MID1: variants seen among roughly 807,000 people sequenced by gnomAD.
MID1 encodes the protein E3 ubiquitin-protein ligase Midline-1.
In MID1, 7 loss-of-function variants were observed where a neutral mutation model predicts 40.4. That is an observed-to-expected ratio of 0.17 (90% CI 0.10 to 0.33). The LOEUF (loss-of-function observed/expected upper bound fraction) is 0.33. Among genes scored for constraint, MID1 ranks in the 10% least tolerant of loss-of-function variants. The pLI is 1.00. For synonymous variants in MID1, 229 were observed against 221.2 expected, an observed-to-expected ratio of 1.04 and a Z score of -0.31; for missense variants, 367 against 558.5, an observed-to-expected ratio of 0.66 and a Z score of 3.46.
At position 10,647,160 on chromosome X, in the gene MID1, C is replaced by T. The variant is rs939483130; in HGVS notation, c.-186-26741G>A. Among the ~76,000 whole-genome samples the T allele has an allele frequency of 2.7e-5, 3 of 111,555 alleles. No individual in the cohort carries two copies. In the South Asian group the frequency reaches 1.2e-3, roughly 43 times the overall value. On this transcript the variant is annotated intron_variant, in intron 1 of 10. Transcript: ENST00000380785. ...ACAACCATCCAGGAGGTAGGTGTAA[C>T]AGGAACCTTTACTCTTTGATAGAGA...
intron 1 of MID1, among the ~76,000 whole-genome samples, chrX:10,718,479 C>A (rs918472299): frequency 8.9e-6 from 1 of 111,894 alleles, no homozygotes; most frequent in African/African-American, 3.2e-5. Flanking sequence ...CACATACACT[C>A]TCCCAAGACT....
chrX:10,778,481 T>A (rs750151745), intron 1 of MID1, among the ~76,000 whole-genome samples: 13 of 112,257 alleles, frequency 1.2e-4, no homozygotes, highest in African/African-American at 3.9e-4. Flanking sequence ...GGAAAAGGGA[T>A]TTCTTTCTCT....
At chrX:10,506,050 T>C in intron 3 of MID1, 1 of 773,388 alleles carries the variant, frequency 1.3e-6, no homozygotes, top group African/African-American at 2.2e-5. Context: ...TAAGCTTTGT[T>C]CTGCCTTCAT....
intron 6 of MID1, among the ~76,000 whole-genome samples, chrX:10,471,529 T>C (rs999076213): frequency 2.7e-5 from 3 of 112,291 alleles, no homozygotes; most frequent in Non-Finnish European, 3.8e-5. Flanking sequence ...TTCTGGAATA[T>C]GTATTTGTAC....
intron 1 of MID1, among the ~76,000 whole-genome samples, chrX:10,607,604 G>A (rs1478989329): frequency 8.9e-6 from 1 of 112,600 alleles, no homozygotes; most frequent in Non-Finnish European, 1.9e-5. Flanking sequence ...ACATCTACAT[G>A]TATATTGACA....
At chrX:10,701,222 G>A (rs1480463372) in intron 1 of MID1, among the ~76,000 whole-genome samples, 1 of 111,731 alleles carries the variant, frequency 9.0e-6, no homozygotes, top group East Asian at 2.8e-4. Context: ...TTCTTACATC[G>A]CAACCAGAAC....
intron 9 of MID1, among the ~76,000 whole-genome samples, chrX:10,454,431 C>CT (rs1320430853): frequency 1.8e-5 from 2 of 111,923 alleles, no homozygotes; most frequent in Admixed American, 9.5e-5. Flanking sequence ...ATGATTCTCT[C>CT]TTAACTACTC....
intron 1 of MID1, among the ~76,000 whole-genome samples, chrX:10,669,196 G>A (rs1045285233): frequency 1.0e-4 from 10 of 98,008 alleles, no homozygotes; most frequent in Non-Finnish European, 1.2e-4. Flanking sequence ...TCCGCAGTCC[G>A]GCCTGGGCGA....
intron 1 of MID1, among the ~76,000 whole-genome samples, chrX:10,728,977 T>C (rs967510210): frequency 8.9e-6 from 1 of 112,293 alleles, no homozygotes; most frequent in African/African-American, 3.2e-5. Context: ...CTTCAGTTTA[T>C]TAATGTAACC....
intron 1 of MID1, among the ~76,000 whole-genome samples, chrX:10,803,677 G>A (rs1441354735): frequency 1.8e-5 from 2 of 111,234 alleles, no homozygotes; most frequent in Non-Finnish European, 3.8e-5. Flanking sequence ...TCAAGATTTT[G>A]GTATTGTCTT....
intron 1 of MID1, among the ~76,000 whole-genome samples, chrX:10,628,879 T>C (rs1936023013): frequency 2.7e-5 from 3 of 112,361 alleles, no homozygotes; most frequent in Middle Eastern, 9.2e-3. Context: ...TTTTTGGACA[T>C]GCAGGAAGTG....
At chrX:10,615,730 T>A (rs967848485) in intron 1 of MID1, among the ~76,000 whole-genome samples, 1 of 112,001 alleles carries the variant, frequency 8.9e-6, no homozygotes, top group Non-Finnish European at 1.9e-5. Flanking sequence ...GATGGCTCCC[T>A]AATATTGTGT....
intron 6 of MID1, among the ~76,000 whole-genome samples, chrX:10,472,013 A>G (rs1345770977): frequency 8.9e-6 from 1 of 112,184 alleles, no homozygotes. Flanking sequence ...AAACCCAATG[A>G]GTTTGTCCTG....
In MID1 at chrX:10,446,939, A is replaced by T. The variant is rs771272035; in HGVS notation, c.*2429T>A. On this transcript the variant is annotated 3_prime_UTR_variant, in exon 10 of 10. Transcript: ENST00000317552. The stretch of plus-strand genomic sequence containing the variant: ...CAAATAATAAAATACTGTGACCTCA[A>T]TCAGTTTAAAGAGAATGCAAAATTA... 8.9e-6 allele frequency: 1 copy of T among 112,015 alleles called. No homozygotes were observed. Among genetic ancestry groups the T allele is most frequent in the South Asian group, 3.7e-4 (1 of 2,668 alleles). 9.2% of individuals were successfully genotyped at this position (112,015 alleles called of 1,213,427 possible).
chrX:10,764,449 A>G (rs2043705702), intron 1 of MID1, among the ~76,000 whole-genome samples: 1 of 112,093 alleles, frequency 8.9e-6, no homozygotes, highest in Admixed American at 9.5e-5. Flanking sequence ...ACTCTAAGAC[A>G]AAAATAATGA....
At position 10,716,562 on chromosome X, in the gene MID1, A is replaced by G. The variant is rs764383140; in HGVS notation, c.-186-96143T>C. Among the ~76,000 whole-genome samples, 305 of 111,086 alleles carry G rather than the reference A, an allele frequency of 2.7e-3. 1 individual carries two copies. The highest frequency in any genetic ancestry group is 4.9e-3 in the Non-Finnish European group (259 of 52,872). ...GACTATGTGAAAAGACCAAATCTAC[A>G]TCTGATTGGTGTACCTGAAAGTGAC... On this transcript the variant is annotated intron_variant, in intron 1 of 10. Transcript: ENST00000380785.
At position 10,510,330 on chromosome X, in the gene MID1, C is replaced by T. The variant is rs779422833; in HGVS notation, c.756+12762G>A. On this transcript the variant is annotated intron_variant, in intron 3 of 9. Coordinates refer to ENST00000317552, the MANE Select transcript of MID1 (RefSeq NM_000381.4). ...ATCACCCTAGAAAGTACCCTCGAGC[C>T]GCTCTTCAGGTCAATCCTCACCCCT... Among the ~76,000 whole-genome samples, 16 of 111,447 alleles carry T rather than the reference C, an allele frequency of 1.4e-4. No homozygotes were observed. The South Asian group carries it at 4.2e-3, about 29-fold the overall frequency.
chrX:10,694,916 A>G (rs909453652), intron 1 of MID1, among the ~76,000 whole-genome samples: 1 of 111,453 alleles, frequency 9.0e-6, no homozygotes, highest in Non-Finnish European at 1.9e-5. Context: ...AACTTAGTTT[A>G]TAGTTTAAAT....
chrX:10,484,977 TA>T (rs757940082), intron 4 of MID1, among the ~76,000 whole-genome samples: 61 of 101,679 alleles, frequency 6.0e-4, no homozygotes, highest in Admixed American at 7.4e-4. Flanking sequence ...CGGGTTACAG[TA>T]AAAAAAAAAA....
Sources: gnomAD v4.1 joint callset for allele counts (sites outside exome capture counted in the v4.1 genomes callset) on GRCh38, gnomAD v4.1.1 for gene constraint, MANE v1.5 for transcripts, NCBI Gene and HGNC (gene_info 2026-07-23, HGNC 2026-07-21) for gene names.